IL23R: variants seen among roughly 807,000 people sequenced by gnomAD.
IL23R encodes the protein interleukin-23 receptor.
In IL23R, 34 loss-of-function variants were observed where a neutral mutation model predicts 56.9. That is an observed-to-expected ratio of 0.60 (90% CI 0.45 to 0.80). The LOEUF is 0.80. IL23R is among the 30% of genes least tolerant of loss of function. The pLI is 0.00. For missense variants in IL23R, 635 were observed against 730.0 expected (o/e 0.87, Z 1.50); for synonymous variants, 230 against 249.2 (o/e 0.92, Z 0.73).
At chr1:67,172,558 G>A (rs888866268) in intron 3 of IL23R, among the ~76,000 whole-genome samples, 5 of 151,842 alleles carry the variant, frequency 3.3e-5, no homozygotes, top group Admixed American at 6.6e-5. Flanking sequence ...ACCAATCATG[G>A]GATAAAATAC....
chr1:67,175,250 G>A (rs1646992886), intron 3 of IL23R, among the ~76,000 whole-genome samples: 1 of 152,096 alleles, frequency 6.6e-6, no homozygotes, highest in Non-Finnish European at 1.5e-5. Context: ...GAATGGGGGT[G>A]GGATGAGTTG....
At chr1:67,199,434 G>A (rs1166293847) in intron 4 of IL23R, among the ~76,000 whole-genome samples, 1 of 152,058 alleles carries the variant, frequency 6.6e-6, no homozygotes, top group Non-Finnish European at 1.5e-5. Flanking sequence ...TCCTTGCACT[G>A]AACCAAAATG....
At chr1:67,181,786 G>A (rs1261303980) in intron 3 of IL23R, among the ~76,000 whole-genome samples, 1 of 152,196 alleles carries the variant, frequency 6.6e-6, no homozygotes, top group African/African-American at 2.4e-5. Context: ...GGTCTTTGAT[G>A]ATGGTGATGT....
intron 5 of IL23R, among the ~76,000 whole-genome samples, chr1:67,201,512 G>A (rs1264407246): frequency 4.7e-5 from 7 of 150,006 alleles, no homozygotes; most frequent in Non-Finnish European, 3.0e-5. Context: ...GATAGACAAG[G>A]TGCCTGCCCT....
intron 4 of IL23R, among the ~76,000 whole-genome samples, chr1:67,199,949 C>T (rs765589093): frequency 5.3e-5 from 8 of 152,188 alleles, no homozygotes; most frequent in African/African-American, 7.2e-5. Flanking sequence ...CTGAAATGCA[C>T]GGATTGCTTG....
intron 1 of IL23R, among the ~76,000 whole-genome samples, chr1:67,149,536 C>T (rs1230206332): frequency 1.3e-5 from 2 of 152,028 alleles, no homozygotes; most frequent in Non-Finnish European, 2.9e-5. Flanking sequence ...GTTTGTATTT[C>T]CCGAAGTACT....
intron 1 of IL23R, among the ~76,000 whole-genome samples, chr1:67,160,515 A>G (rs1646808752): frequency 6.6e-6 from 1 of 152,218 alleles, no homozygotes; most frequent in African/African-American, 2.4e-5. Flanking sequence ...GTTTGTATGA[A>G]TAGATTTGCA....
At chr1:67,198,260 C>G (rs1205007190) in intron 4 of IL23R, among the ~76,000 whole-genome samples, 1 of 152,162 alleles carries the variant, frequency 6.6e-6, no homozygotes, top group Non-Finnish European at 1.5e-5. Flanking sequence ...AATCTCTTCA[C>G]AGAAATCAGA....
At chr1:67,261,248 G>C (rs916229320), downstream of IL23R, among the ~76,000 whole-genome samples, 2 of 150,340 alleles carry the variant, frequency 1.3e-5, no homozygotes, top group African/African-American at 4.9e-5. Flanking sequence ...CCCTTATTTG[G>C]ATAATAAATC....
chr1:67,229,031 C>T (rs1279022232), intron 7 of IL23R, among the ~76,000 whole-genome samples: 1 of 152,204 alleles, frequency 6.6e-6, no homozygotes, highest in Non-Finnish European at 1.5e-5. Flanking sequence ...ATTTCTCCCC[C>T]TCAGCAACAA....
chr1:67,186,507 C>T (rs917618407), intron 4 of IL23R, among the ~76,000 whole-genome samples: 1 of 151,932 alleles, frequency 6.6e-6, no homozygotes, highest in Admixed American at 6.6e-5. Flanking sequence ...TCAATCTTCC[C>T]AGTCTATGGC....
downstream of IL23R, among the ~76,000 whole-genome samples, chr1:67,262,651 T>C (rs572718902): frequency 6.6e-6 from 1 of 152,194 alleles, no homozygotes; most frequent in Non-Finnish European, 1.5e-5. Context: ...AGCCAGAATT[T>C]TCTGCAGATT....
At chr1:67,264,380 G>T (rs142890631), downstream of IL23R, among the ~76,000 whole-genome samples, 1 of 152,084 alleles carries the variant, frequency 6.6e-6, no homozygotes. Context: ...TTATGCTGTG[G>T]TTTATCTCTT....
chr1:67,200,633 G>A (rs923611707), intron 4 of IL23R, 104 bp from the exon 5 acceptor site: 17 of 1,129,574 alleles, frequency 1.5e-5, no homozygotes, highest in Middle Eastern at 4.2e-4. Flanking sequence ...GATCCAACCC[G>A]CTTGGTCTCC....
Position 67,219,624 on chromosome 1 carries a change from C to G in IL23R, c.849C>G (p.Tyr283Ter), listed in dbSNP as rs1478707562. The G allele has an allele frequency of 5.0e-6, 8 of 1,614,036 alleles. No homozygotes were observed. Among genetic ancestry groups the G allele is most frequent in the Non-Finnish European group, 6.8e-6 (8 of 1,179,910 alleles). The change falls in exon 7 of 11, where the codon TAC becomes TAG. Residue 283 changes from tyrosine to a stop codon, truncating the protein, a stop_gained. Coordinates refer to ENST00000347310, the MANE Select transcript of IL23R (RefSeq NM_144701.3). LOFTEE classifies it high-confidence loss of function. ...CATATGTGCAACAGTCAGAATTCTA[C>G]TTGGAGCCAAACATTAAGTACGTAT... is the stretch of plus-strand genomic sequence containing the variant. Reference protein sequence around the residue: ...NFTYVQQSEFYLEPNIKYVFQ... With the variant: ...NFTYVQQSEF
At chr1:67,184,080 A>G (rs1476580413) in intron 4 of IL23R, among the ~76,000 whole-genome samples, 1 of 151,862 alleles carries the variant, frequency 6.6e-6, no homozygotes. Context: ...CTAAAAATAC[A>G]AAAATTAGCT....
intron 5 of IL23R, among the ~76,000 whole-genome samples, chr1:67,203,118 A>AATC (rs1246101155): frequency 2.6e-5 from 4 of 152,206 alleles, no homozygotes; most frequent in African/African-American, 7.2e-5. Flanking sequence ...TAATAATAAT[A>AATC]ATACTTGTAT....
chr1:67,169,763 G>A, intron 3 of IL23R, 125 bp downstream of exon 3: 1 of 934,472 alleles, frequency 1.1e-6, no homozygotes, highest in Non-Finnish European at 1.7e-6. Context: ...GTTTCATACA[G>A]GAGCTGCAAA....
In IL23R at chr1:67,247,348, A is replaced by G. The variant is rs143414421; in HGVS notation, c.1148+7067A>G. 7.9e-3 allele frequency among the ~76,000 whole-genome samples: 1,184 copies of G among 149,612 alleles called. 18 individuals carry two copies. The highest frequency in any genetic ancestry group is 0.028 in the African/African-American group (1,122 of 40,692). ...AGATGGAGTTTCACTTTTGTTGCCC[A>G]GACTGGAGTGCAATGGCACGATCTT... On this transcript the variant is annotated intron_variant, in intron 9 of 10. Transcript: ENST00000347310.
Sources: allele counts gnomAD v4.1 joint callset (sites outside exome capture counted in the v4.1 genomes callset), GRCh38; gene constraint gnomAD v4.1.1; transcripts MANE v1.5; gene names NCBI Gene and HGNC (gene_info 2026-07-23, HGNC 2026-07-21).